The following EXOC5 variants were observed in gnomAD, a reference collection of about 807,000 sequenced individuals.
EXOC5 encodes the protein SEC10-like 1.
A neutral mutation model predicts 90.8 loss-of-function variants in EXOC5; 17 were observed. The ratio of observed to expected loss-of-function variants is 0.19; its 90% CI spans 0.13 to 0.28. The LOEUF (loss-of-function observed/expected upper bound fraction) is 0.28. Ranked by LOEUF, EXOC5 falls within the 10% of genes least tolerant of loss-of-function variation. EXOC5 has a pLI of 1.00. For missense variants in EXOC5, 569 were observed against 830.6 expected (o/e 0.69, Z 3.87); for synonymous variants, 260 against 270.0 (o/e 0.96, Z 0.36).
intron 12 of EXOC5, 59 bp downstream of exon 12, chr14:57,229,675 T>C (rs1315254180): frequency 3.9e-6 from 5 of 1,280,032 alleles, no homozygotes; most frequent in Non-Finnish European, 5.2e-6. Context: ...CTGGAATCAA[T>C]TCCCCACAGA....
chr14:57,252,958 AAAG>A (rs1258215331), intron 1 of EXOC5, among the ~76,000 whole-genome samples: 1 of 152,206 alleles, frequency 6.6e-6, no homozygotes, highest in Non-Finnish European at 1.5e-5. Context: ...CAGCCATTAA[AAAG>A]AAGGAAATCC....
In EXOC5 at chr14:57,231,693, G is replaced by T; in HGVS notation, c.961C>A (p.Leu321Met). 1 of 1,606,280 alleles carries T rather than the reference G, an allele frequency of 6.2e-7. No individual in the cohort carries two copies. The highest frequency in any genetic ancestry group is 1.3e-5 in the African/African-American group (1 of 74,692). The stretch of plus-strand genomic sequence containing the variant: ...TCAGTACCTAAATTAAACTCCATCA[G>T]CTTGCTGGAAAGATTGGTGGTTCTT... The part of the protein sequence containing the change: ...YTRTTNLSSK[L>M]MEFNLGTDKQ... Residue 321 changes from leucine to methionine, a missense_variant, in exon 11 of 18, where the codon CTG (leucine) becomes ATG (methionine). Coordinates refer to ENST00000621441, the MANE Select transcript of EXOC5 (RefSeq NM_006544.4).
chr14:57,231,652 C>T lies in EXOC5; in HGVS notation c.1002G>A (p.Leu334=), dbSNP rs772573622. The T allele has an allele frequency of 1.2e-5, 19 of 1,613,040 alleles. 1 individual carries two copies. In the Admixed American group the frequency reaches 2.0e-4, roughly 17 times the overall value. Residue 334 remains leucine, a synonymous_variant, in exon 11 of 18, where the codon TTG becomes TTA. Transcript: ENST00000621441. The stretch of plus-strand genomic sequence containing the variant: ...TGAAAATGGATTTGATAAGCTTAGA[C>T]AAGAAAGTCTGTTTATCAGTACCTA... ...FNLGTDKQTF[L]SKLIKSIFIS...
intron 1 of EXOC5, among the ~76,000 whole-genome samples, chr14:57,253,157 G>A (rs979657326): frequency 3.9e-5 from 6 of 152,220 alleles, no homozygotes; most frequent in African/African-American, 1.4e-4. Flanking sequence ...CAGGGAGCAA[G>A]AAGAGAGCCT....
chr14:57,241,143 C>T (rs1883846156), intron 4 of EXOC5, among the ~76,000 whole-genome samples: 1 of 152,124 alleles, frequency 6.6e-6, no homozygotes, highest in South Asian at 2.1e-4. Flanking sequence ...CTTGAGACAC[C>T]ACGCCCTGCC....
At chr14:57,222,198 G>T in intron 13 of EXOC5, 110 bp downstream of exon 13, 1 of 557,654 alleles carries the variant, frequency 1.8e-6, no homozygotes, top group Non-Finnish European at 3.2e-6. Flanking sequence ...TCATTGCACC[G>T]AACTGAATTT....
At chr14:57,230,899 T>TATTC (rs1187502271) in intron 11 of EXOC5, among the ~76,000 whole-genome samples, 37 of 152,086 alleles carry the variant, frequency 2.4e-4, no homozygotes, top group Middle Eastern at 3.4e-3. Context: ...ACCTGGAACT[T>TATTC]ATTCTATCGA....
intron 4 of EXOC5, among the ~76,000 whole-genome samples, chr14:57,241,495 G>A (rs1315832855): frequency 6.6e-6 from 1 of 152,190 alleles, no homozygotes; most frequent in East Asian, 1.9e-4. Context: ...TCCATAAGGA[G>A]TTTTTGTTCT....
intron 4 of EXOC5, among the ~76,000 whole-genome samples, chr14:57,242,866 G>A (rs562327014): frequency 2.4e-4 from 36 of 152,292 alleles, no homozygotes; most frequent in African/African-American, 8.4e-4. Flanking sequence ...CAACCAACGA[G>A]CAGATAAAGA....
chr14:57,218,348 A>G (rs978530134), intron 14 of EXOC5, among the ~76,000 whole-genome samples: 4 of 152,104 alleles, frequency 2.6e-5, no homozygotes, highest in African/African-American at 9.7e-5. Context: ...ACATCTCTCA[A>G]GAATATAAAT....
chr14:57,264,816 C>G (rs1264832094), intron 1 of EXOC5, among the ~76,000 whole-genome samples: 1 of 152,194 alleles, frequency 6.6e-6, no homozygotes, highest in Non-Finnish European at 1.5e-5. Context: ...ACCTATGGCA[C>G]ATCTAGACCT....
In EXOC5 at chr14:57,206,254, G is replaced by A. The variant is rs45586331; in HGVS notation, c.*2355C>T. On this transcript the variant is annotated 3_prime_UTR_variant, in exon 18 of 18. Transcript: ENST00000621441. ...CCTAAAATTTTACCATGTGCAAAACGAAAAACATTTTAGTTATTGATCATC... is the reference window on the plus strand; with the variant it reads ...CCTAAAATTTTACCATGTGCAAAACAAAAAACATTTTAGTTATTGATCATC... The A allele has an allele frequency of 5.0e-5, 12 of 240,076 alleles. No individual in the cohort carries two copies. Among genetic ancestry groups the A allele is most frequent in the East Asian group, 1.1e-4 (1 of 8,770 alleles). 14.9% of individuals were successfully genotyped at this position (240,076 alleles called of 1,614,324 possible). A position where few individuals can be genotyped will look rare whatever the true frequency, so the allele number is the denominator to read the frequency against.
intron 4 of EXOC5, among the ~76,000 whole-genome samples, chr14:57,242,602 G>A (rs1006081297): frequency 6.6e-6 from 1 of 152,124 alleles, no homozygotes; most frequent in African/African-American, 2.4e-5. Context: ...AGAAGGAAAA[G>A]AATATGATGT....
intron 15 of EXOC5, among the ~76,000 whole-genome samples, chr14:57,216,341 T>C (rs1366450948): frequency 6.6e-6 from 1 of 151,510 alleles, no homozygotes; most frequent in Non-Finnish European, 1.5e-5. Flanking sequence ...CCACAGCAAT[T>C]TTGAGAAAGA....
At chr14:57,217,866 A>G (rs1220019302) in intron 15 of EXOC5, 116 bp downstream of exon 15, 2 of 659,160 alleles carry the variant, frequency 3.0e-6, no homozygotes, top group East Asian at 5.5e-5. Context: ...AATCAAATGT[A>G]GCAATATGGT....
intron 3 of EXOC5, among the ~76,000 whole-genome samples, chr14:57,246,112 T>C (rs1884025609): frequency 6.6e-6 from 1 of 151,924 alleles, no homozygotes; most frequent in Non-Finnish European, 1.5e-5. Flanking sequence ...ATTCAGAGGT[T>C]CCAGATTAAG....
chr14:57,251,815 A>C (rs1412544221), intron 1 of EXOC5, among the ~76,000 whole-genome samples: 1 of 152,144 alleles, frequency 6.6e-6, no homozygotes. Flanking sequence ...CTTTAGCTAA[A>C]CAGACTAAGA....
At chr14:57,210,944 G>C (rs966182418) in intron 15 of EXOC5, among the ~76,000 whole-genome samples, 2 of 151,976 alleles carry the variant, frequency 1.3e-5, no homozygotes, top group African/African-American at 4.8e-5. Context: ...ATTTTTTTAG[G>C]TGACAAGAAA....
Position 57,219,396 on chromosome 14 carries a change from G to A in EXOC5, c.1452C>T (p.Asp484=), listed in dbSNP as rs759160373. The change falls in exon 14 of 18, where the codon GAC becomes GAT. Residue 484 remains aspartate, a synonymous_variant. Coordinates refer to ENST00000621441, the MANE Select transcript of EXOC5 (RefSeq NM_006544.4). ...AAATAGTATTGGCCTGTTGCACAAC[G>A]TCCAAAAAATAAAGATTTGCATTCC... is the stretch of plus-strand genomic sequence containing the variant. The part of the protein sequence containing the change: ...DSRNANLYFL[D]VVQQANTIFH... 72 of 1,563,944 alleles carry A rather than the reference G, an allele frequency of 4.6e-5. No individual in the cohort carries two copies. The highest frequency in any genetic ancestry group is 6.1e-5 in the Non-Finnish European group (70 of 1,150,928).
Sources: gnomAD v4.1 joint callset for allele counts (sites outside exome capture counted in the v4.1 genomes callset) on GRCh38, gnomAD v4.1.1 for gene constraint, MANE v1.5 for transcripts, NCBI Gene and HGNC (gene_info 2026-07-23, HGNC 2026-07-21) for gene names.